The following NUP35 variants were observed in gnomAD, a reference collection of about 807,000 sequenced individuals.
The protein encoded by NUP35 is nucleoporin NUP35.
A neutral mutation model predicts 41.5 loss-of-function variants in NUP35; 25 were observed. The ratio of observed to expected loss-of-function variants is 0.60; its 90% confidence interval spans 0.44 to 0.84. The LOEUF (loss-of-function observed/expected upper bound fraction) is 0.84. NUP35 is among the 40% of genes least tolerant of loss of function. The probability of loss-of-function intolerance (pLI) is 0.00; values close to 1 mark genes in which losing one functional copy is unlikely to be tolerated. For missense variants in NUP35, 396 were observed against 396.6 expected, an observed-to-expected ratio of 1.00 and a Z score of 0.01; for synonymous variants, 149 against 130.7, an observed-to-expected ratio of 1.14 and a Z score of -0.96.
chr2:183,123,265 A>G (rs905992047), upstream of NUP35, among the ~76,000 whole-genome samples: 2 of 152,208 alleles, frequency 1.3e-5, no homozygotes, highest in African/African-American at 4.8e-5. Context: ...GTGCTGGTTT[A>G]GTTAACCGAG....
rs576617033 is a variant in NUP35 at position 183,146,136 on chromosome 2, T to TGAGACAGGAGAAACGCTTG, written c.398-5371_398-5353dup. Among the ~76,000 whole-genome samples, 539 of 152,158 alleles carry TGAGACAGGAGAAACGCTTG rather than the reference T, an allele frequency of 3.5e-3. 3 individuals carry two copies. Among genetic ancestry groups the TGAGACAGGAGAAACGCTTG allele is most frequent in the African/African-American group, 0.012 (504 of 41,504 alleles). ...CTGTAATCCCAACTACTCCAGAAGC[T>TGAGACAGGAGAAACGCTTG]GAGACAGGAGAAACGCTTGAACCCA... On this transcript the variant is annotated intron_variant, in intron 4 of 8. Coordinates refer to ENST00000295119, the MANE Select transcript of NUP35 (RefSeq NM_138285.5).
intron 4 of NUP35, among the ~76,000 whole-genome samples, chr2:183,139,452 A>G (rs761269339): frequency 2.6e-5 from 4 of 152,120 alleles, no homozygotes; most frequent in Non-Finnish European, 5.9e-5. Context: ...TCCATACAAT[A>G]TGTCCACATC....
At chr2:183,128,481 T>G (rs1239946158) in intron 2 of NUP35, 24 bp downstream of exon 2, 1 of 1,596,592 alleles carries the variant, frequency 6.3e-7, no homozygotes, top group African/African-American at 1.3e-5. Context: ...TTAAAATAAT[T>G]TTATAGACAT....
At chr2:183,157,616 AT>A (rs975460568) in intron 6 of NUP35, 103 bp downstream of exon 6, 220 of 818,900 alleles carry the variant, frequency 2.7e-4, no homozygotes, top group Middle Eastern at 3.0e-4. Flanking sequence ...TTAAACTTAA[AT>A]TTTTTTTTGA....
At chr2:183,138,829 T>C (rs1223174915) in intron 4 of NUP35, among the ~76,000 whole-genome samples, 1 of 152,222 alleles carries the variant, frequency 6.6e-6, no homozygotes, top group African/African-American at 2.4e-5. Context: ...AAGCGTGATA[T>C]TAAGTGATAG....
rs6755262 is a variant in NUP35, at chr2:183,133,656, A to T, written c.397+33A>T. The T allele has an allele frequency of 1.9e-3, 2,484 of 1,308,774 alleles. 36 individuals are homozygous for T. In the African/African-American group the frequency reaches 0.034, roughly 18 times the overall value. The allele number at this position is 1,308,774 out of a possible 1,614,324, so 81.1% of individuals were successfully genotyped here. A position where few individuals can be genotyped will look rare whatever the true frequency, so the allele number is the denominator to read the frequency against. ...ATTCTTTCTTTTTTTTTTTTTTTTT[A>T]AAAGACAGGGTCTGGCTCTGCTACC... On this transcript the variant is annotated intron_variant, in intron 4 of 8. Transcript: ENST00000295119.
At chr2:183,160,631 G>C (rs1284103590) in intron 8 of NUP35, 1 of 151,818 alleles carries the variant, frequency 6.6e-6, no homozygotes. Flanking sequence ...TGCCCACCTT[G>C]GCCTCCCAAA....
chr2:183,124,427 G>C (rs759417562), upstream of NUP35: 7 of 1,614,036 alleles, frequency 4.3e-6, no homozygotes, highest in Admixed American at 6.7e-5. Context: ...TAATTGGGAA[G>C]GTACTGGTTT....
chr2:183,146,204 C>T (rs1436559888), intron 4 of NUP35, among the ~76,000 whole-genome samples: 1 of 152,100 alleles, frequency 6.6e-6, no homozygotes, highest in Non-Finnish European at 1.5e-5. Flanking sequence ...CCACTGCACT[C>T]CAGCCTGGGC....
At position 183,118,215 on chromosome 2, in the gene NUP35, G is replaced by C. The variant is rs191464028; in HGVS notation, c.-121+589G>C. Reference sequence around the variant, plus strand: ...CAGAAATAGGAAACAGGTTCCATTTGACAGTTTATTTAGTGCGTTCAGAAT... The same window carrying C: ...CAGAAATAGGAAACAGGTTCCATTTCACAGTTTATTTAGTGCGTTCAGAAT... On this transcript the variant is annotated intron_variant, in intron 1 of 9. Transcript: ENST00000409798. The C allele has an allele frequency of 5.3e-5, 8 of 152,300 alleles. No individual in the cohort carries two copies. In the East Asian group the frequency reaches 1.4e-3, roughly 26 times the overall value. The allele number at this position is 152,300 out of a possible 1,614,324, so 9.4% of individuals were successfully genotyped here. A position where few individuals can be genotyped will look rare whatever the true frequency, so the allele number is the denominator to read the frequency against.
At chr2:183,120,044 T>G (rs1700044792), upstream of NUP35, 1 of 152,206 alleles carries the variant, frequency 6.6e-6, no homozygotes, top group Non-Finnish European at 1.5e-5. Context: ...TGTTACTAAA[T>G]GACATGTGCT....
At chr2:183,137,789 GA>G (rs35751374) in intron 4 of NUP35, among the ~76,000 whole-genome samples, 12,411 of 139,612 alleles carry the variant, frequency 0.089, 705 homozygotes, top group South Asian at 0.18. Flanking sequence ...AGACCTCAAA[GA>G]AAAAAAAAAA....
upstream of NUP35, among the ~76,000 whole-genome samples, chr2:183,123,201 C>T (rs1700094236): frequency 6.6e-6 from 1 of 152,170 alleles, no homozygotes. Context: ...TTGATTTTAG[C>T]CCTACAATAC....
At chr2:183,123,614 C>T (rs62188065), upstream of NUP35, among the ~76,000 whole-genome samples, 2,427 of 152,242 alleles carry the variant, frequency 0.016, 33 homozygotes, top group Middle Eastern at 0.051. Context: ...GAGCAGAGAA[C>T]GTCCCCAGTT....
chr2:183,124,278 T>G, upstream of NUP35: 1 of 1,389,976 alleles, frequency 7.2e-7, no homozygotes, highest in Non-Finnish European at 9.4e-7. Context: ...CCTCGGAAAT[T>G]CTCAGCGCAA....
chr2:183,128,579 T>C, intron 2 of NUP35, 122 bp downstream of exon 2: 1 of 480,374 alleles, frequency 2.1e-6, no homozygotes, highest in South Asian at 6.5e-5. Context: ...ATACAGTAAC[T>C]CTAATAATAG....
intron 4 of NUP35, among the ~76,000 whole-genome samples, chr2:183,141,612 A>G (rs1685099828): frequency 6.6e-6 from 1 of 152,198 alleles, no homozygotes; most frequent in Non-Finnish European, 1.5e-5. Flanking sequence ...TTCTTTCTGT[A>G]AAACTCTTGA....
chr2:183,157,469 A>G lies in NUP35; in HGVS notation c.565A>G (p.Ile189Val), dbSNP rs146696985. The G allele has an allele frequency of 9.3e-6, 15 of 1,612,878 alleles. No homozygotes were observed. The African/African-American group carries it at 1.5e-4, about 16-fold the overall frequency. Reference protein sequence around the residue: ...FGFPQASASYILLQFAQYGNI... With the variant: ...FGFPQASASYVLLQFAQYGNI... The stretch of plus-strand genomic sequence containing the variant: ...GTTTCCTCAAGCATCTGCTTCCTAC[A>G]TATTACTACAATTTGCACAGTATGG... Residue 189 changes from isoleucine (I) to valine (V), a missense_variant, in exon 6 of 9, where the codon ATA becomes GTA. Transcript: ENST00000295119.
chr2:183,120,961 A>T (rs987124689), upstream of NUP35, among the ~76,000 whole-genome samples: 1 of 152,174 alleles, frequency 6.6e-6, no homozygotes, highest in Non-Finnish European at 1.5e-5. Context: ...AATGATAAGG[A>T]TTCCAAGGGA....
Sources: allele counts gnomAD v4.1 joint callset (sites outside exome capture counted in the v4.1 genomes callset), GRCh38; gene constraint gnomAD v4.1.1; transcripts MANE v1.5; gene names NCBI Gene and HGNC (gene_info 2026-07-23, HGNC 2026-07-21).